Variants in TCF24 observed in about 807,000 individuals in gnomAD.
The protein encoded by TCF24 is transcription factor 24.
In TCF24, 5 loss-of-function variants were observed where a neutral mutation model predicts 9.3. That is an observed-to-expected ratio of 0.54 (90% CI 0.28 to 1.13). The LOEUF (loss-of-function observed/expected upper bound fraction) is 1.13, where lower values mean the gene tolerates loss of function less well. TCF24 is among the 50% of genes most tolerant of loss of function. TCF24 has a pLI of 0.09. For synonymous variants in TCF24, 110 were observed against 115.8 expected (o/e 0.95, Z 0.32); for missense variants, 220 against 236.1 (o/e 0.93, Z 0.45).
At chr8:66,953,959 G>A (rs1814105187) in intron 3 of TCF24, among the ~76,000 whole-genome samples, 1 of 151,090 alleles carries the variant, frequency 6.6e-6, no homozygotes, top group South Asian at 2.1e-4. Context: ...GCTCCTTTAA[G>A]CACTTCTCTG....
chr8:66,957,741 C>G (rs190872152), intron 3 of TCF24, among the ~76,000 whole-genome samples: 35 of 152,046 alleles, frequency 2.3e-4, no homozygotes, highest in Admixed American at 3.3e-4. Flanking sequence ...GCCCCATTTT[C>G]ATAAGCATAA....
At chr8:66,957,615 T>C (rs1176250795) in intron 3 of TCF24, among the ~76,000 whole-genome samples, 1 of 152,088 alleles carries the variant, frequency 6.6e-6, no homozygotes, top group Non-Finnish European at 1.5e-5. Flanking sequence ...AGAGCCAGTC[T>C]GTGGTATTTT....
Position 66,961,365 on chromosome 8 carries a change from C to G in TCF24, c.390+11G>C, listed in dbSNP as rs1249416151. ...TCGGCCCCAGCCCCGCGGTGCGCCC[C>G]GCCCGCTTACCTTGACCGGGTGCAG... On this transcript the variant is annotated intron_variant, in intron 3 of 3. Transcript: ENST00000563496. 1 of 1,460,652 alleles carries G rather than the reference C, an allele frequency of 6.8e-7. No homozygotes were observed. Among genetic ancestry groups the G allele is most frequent in the Non-Finnish European group, 9.0e-7 (1 of 1,113,634 alleles). 90.5% of individuals were successfully genotyped at this position (1,460,652 alleles called of 1,614,324 possible). A position where few individuals can be genotyped will look rare whatever the true frequency, so the allele number is the denominator to read the frequency against.
chr8:66,952,496 AG>A (rs1359213403), intron 3 of TCF24, among the ~76,000 whole-genome samples: 2 of 146,814 alleles, frequency 1.4e-5, no homozygotes, highest in Non-Finnish European at 3.0e-5. Context: ...ACATTTGCTG[AG>A]GAGAGCTTTA....
At chr8:66,949,566 C>T (rs1346232723) in intron 3 of TCF24, among the ~76,000 whole-genome samples, 13 of 152,214 alleles carry the variant, frequency 8.5e-5, no homozygotes, top group East Asian at 5.8e-4. Flanking sequence ...AATAAACATA[C>T]GTGTGCATGT....
chr8:66,961,112 G>A (rs1398769895), intron 3 of TCF24, among the ~76,000 whole-genome samples: 2 of 152,190 alleles, frequency 1.3e-5, no homozygotes, highest in Non-Finnish European at 2.9e-5. Flanking sequence ...ATCCTTCGGA[G>A]GCATCCTGTA....
At position 66,961,458 on chromosome 8, in the gene TCF24, C is replaced by T; in HGVS notation, c.308G>A (p.Arg103His). The change falls in exon 3 of 4, where the codon CGC becomes CAC. Residue 103 changes from arginine to histidine, a missense_variant. Physicochemically the swap from Arg to His is conservative, Grantham distance 29. Coordinates refer to ENST00000563496, the MANE Select transcript of TCF24 (RefSeq NM_001193502.2). ...LATTYIAHLT[R>H]SLQDDAEAPA... ...CGCCTCGGCGTCGTCCTGCAGGCTG[C>T]GGGTGAGATGCGCGATGTAGGTGGT... The T allele has an allele frequency of 6.5e-7, 1 of 1,527,702 alleles. No individual in the cohort carries two copies. Among genetic ancestry groups the T allele is most frequent in the East Asian group, 2.5e-5 (1 of 39,838 alleles). 94.6% of individuals were successfully genotyped at this position (1,527,702 alleles called of 1,614,324 possible).
chr8:66,958,627 C>T (rs1814205522), intron 3 of TCF24, among the ~76,000 whole-genome samples: 1 of 152,158 alleles, frequency 6.6e-6, no homozygotes, highest in African/African-American at 2.4e-5. Flanking sequence ...CACCACTGCA[C>T]TCTAGCTTGG....
At position 66,954,482 on chromosome 8, in the gene TCF24, C is replaced by T. The variant is rs557970467; in HGVS notation, c.391-6318G>A. Among the ~76,000 whole-genome samples the T allele has an allele frequency of 1.8e-3, 277 of 152,290 alleles. 2 individuals carry two copies. Among genetic ancestry groups the T allele is most frequent in the African/African-American group, 6.4e-3 (266 of 41,552 alleles). The stretch of plus-strand genomic sequence containing the variant: ...ATCTCCAGCTGCGTGCTGGGAGAAC[C>T]ACTGCTCTCTTCAAAGCTGTCAGAC... On this transcript the variant is annotated intron_variant, in intron 3 of 3. Coordinates refer to ENST00000563496, the MANE Select transcript of TCF24 (RefSeq NM_001193502.2).
chr8:66,956,243 G>C (rs1012738613), intron 3 of TCF24, among the ~76,000 whole-genome samples: 1 of 152,054 alleles, frequency 6.6e-6, no homozygotes, highest in Non-Finnish European at 1.5e-5. Flanking sequence ...TACAGGTGGT[G>C]AGCCACCATG....
intron 3 of TCF24, among the ~76,000 whole-genome samples, chr8:66,955,844 G>C (rs1814143074): frequency 1.3e-5 from 2 of 152,172 alleles, no homozygotes; most frequent in South Asian, 4.1e-4. Flanking sequence ...TAGCCATAAA[G>C]AATAAGTGGG....
chr8:66,961,656 G>A lies in TCF24; in HGVS notation c.110C>T (p.Ala37Val), dbSNP rs1263018739. The A allele has an allele frequency of 2.6e-6, 3 of 1,155,194 alleles. No homozygotes were observed. The highest frequency in any genetic ancestry group is 3.2e-6 in the Non-Finnish European group (3 of 940,792). 71.6% of individuals were successfully genotyped at this position (1,155,194 alleles called of 1,614,324 possible). A position where few individuals can be genotyped will look rare whatever the true frequency, so the allele number is the denominator to read the frequency against. ...SRPGRTGPGP[A>V]GPGGGSRSGS... ...GGAACGCGAGCCGCCCCCAGGGCCCGCCGGCCCCGGCCCGGTCCGCCCGGG... is the reference window on the plus strand; with the variant it reads ...GGAACGCGAGCCGCCCCCAGGGCCCACCGGCCCCGGCCCGGTCCGCCCGGG... The change falls in exon 3 of 4, where the codon GCG (alanine) becomes GTG (valine). Residue 37 changes from alanine (A) to valine (V), a missense_variant. Physicochemically the swap from Ala to Val is moderately conservative, Grantham distance 64 (BLOSUM62 0). Transcript: ENST00000563496.
At chr8:66,959,640 T>C (rs1035511330) in intron 3 of TCF24, among the ~76,000 whole-genome samples, 1 of 152,248 alleles carries the variant, frequency 6.6e-6, no homozygotes, top group Non-Finnish European at 1.5e-5. Context: ...CTGAGTCTTA[T>C]TAATTGTGTT....
chr8:66,961,244 G>T, intron 3 of TCF24, 132 bp downstream of exon 3: 1 of 1,232,146 alleles, frequency 8.1e-7, no homozygotes, highest in Non-Finnish European at 1.0e-6. Flanking sequence ...CGCGGGCCGA[G>T]GTCGTTCTCC....
chr8:66,955,907 A>T (rs1365947367), intron 3 of TCF24, among the ~76,000 whole-genome samples: 3 of 151,970 alleles, frequency 2.0e-5, no homozygotes, highest in Non-Finnish European at 4.4e-5. Context: ...CAAAGTCCTA[A>T]TTTTTATTTT....
rs1325910631 is a variant in TCF24 at position 66,947,805 on chromosome 8, C to CT, written c.*245dup. 1 of 295,100 alleles carries CT rather than the reference C, an allele frequency of 3.4e-6. No individual in the cohort carries two copies. Among genetic ancestry groups the CT allele is most frequent in the East Asian group, 5.9e-5 (1 of 17,072 alleles). The allele number at this position is 295,100 out of a possible 1,614,324, so 18.3% of individuals were successfully genotyped here. On this transcript the variant is annotated 3_prime_UTR_variant, in exon 4 of 4. Coordinates refer to ENST00000563496, the MANE Select transcript of TCF24 (RefSeq NM_001193502.2). Reference sequence around the variant, plus strand: ...TACACAATTGTTTGCTTTCATGTGACTTTTTTCTAATAATTTCTCTTGCAC... The same window carrying CT: ...TACACAATTGTTTGCTTTCATGTGACTTTTTTTCTAATAATTTCTCTTGCAC...
intron 3 of TCF24, among the ~76,000 whole-genome samples, chr8:66,956,028 G>A (rs1282167979): frequency 6.6e-6 from 1 of 152,164 alleles, no homozygotes; most frequent in East Asian, 1.9e-4. Flanking sequence ...AACCTGCTGG[G>A]TTCATGCAAT....
At chr8:66,952,966 T>C (rs1296324285) in intron 3 of TCF24, among the ~76,000 whole-genome samples, 2 of 133,790 alleles carry the variant, frequency 1.5e-5, no homozygotes, top group East Asian at 2.2e-4. Context: ...TCCTCCATCC[T>C]TTTATTTTGA....
intron 3 of TCF24, among the ~76,000 whole-genome samples, chr8:66,949,447 T>C (rs1563405022): frequency 6.6e-6 from 1 of 152,214 alleles, no homozygotes; most frequent in Non-Finnish European, 1.5e-5. Context: ...TCATTTTTTA[T>C]GGCTGCATAG....
Sources: gnomAD v4.1 joint callset for allele counts (sites outside exome capture counted in the v4.1 genomes callset) on GRCh38, gnomAD v4.1.1 for gene constraint, MANE v1.5 for transcripts, NCBI Gene and HGNC (gene_info 2026-07-23, HGNC 2026-07-21) for gene names.